The following VPS13B variants were observed in gnomAD, a reference collection of about 807,000 sequenced individuals.
The protein encoded by VPS13B is intermembrane lipid transfer protein VPS13B.
VPS13B carries 285 observed loss-of-function variants against 426.4 expected under a neutral mutation model. The observed-to-expected ratio is 0.67, with a 90% CI of 0.61 to 0.74. VPS13B has a LOEUF of 0.74. Among genes scored for constraint, VPS13B ranks in the 30% least tolerant of loss-of-function variants. The pLI is 0.00. For missense variants in VPS13B, 4,537 were observed against 4,782.6 expected (o/e 0.95, Z 1.51); for synonymous variants, 1,676 against 1,676.4 (o/e 1.00, Z 0.01).
intron 41 of VPS13B, among the ~76,000 whole-genome samples, chr8:99,778,318 G>C (rs951500931): frequency 6.6e-6 from 1 of 151,364 alleles, no homozygotes; most frequent in Non-Finnish European, 1.5e-5. Flanking sequence ...AACTCTCTTT[G>C]AGTCATGTTT....
chr8:99,301,689 A>G (rs1306360601), intron 19 of VPS13B, among the ~76,000 whole-genome samples: 1 of 152,248 alleles, frequency 6.6e-6, no homozygotes, highest in Non-Finnish European at 1.5e-5. Flanking sequence ...TATCAAAGGT[A>G]TTTATGTAAG....
chr8:99,172,091 G>A (rs969670470), intron 16 of VPS13B, among the ~76,000 whole-genome samples: 3 of 152,088 alleles, frequency 2.0e-5, no homozygotes, highest in African/African-American at 7.2e-5. Context: ...ATATCTAAAT[G>A]TTTTAATATG....
intron 13 of VPS13B, among the ~76,000 whole-genome samples, chr8:99,146,951 T>C (rs1810764498): frequency 6.6e-6 from 1 of 152,152 alleles, no homozygotes; most frequent in African/African-American, 2.4e-5. Flanking sequence ...CCAGGGAAAC[T>C]GTTTTATGAG....
At chr8:99,371,625 G>A (rs965608555) in intron 19 of VPS13B, among the ~76,000 whole-genome samples, 16 of 152,172 alleles carry the variant, frequency 1.1e-4, no homozygotes, top group African/African-American at 2.7e-4. Context: ...CAGTGGTAGC[G>A]TAATGGGAAT....
intron 3 of VPS13B, among the ~76,000 whole-genome samples, chr8:99,079,354 C>T (rs1444159430): frequency 6.6e-6 from 1 of 151,972 alleles, no homozygotes; most frequent in Non-Finnish European, 1.5e-5. Context: ...CCAGATGACA[C>T]CTGTGGCTGT....
At chr8:99,833,185 G>A (rs932058977) in intron 52 of VPS13B, among the ~76,000 whole-genome samples, 7 of 152,260 alleles carry the variant, frequency 4.6e-5, no homozygotes, top group Admixed American at 6.5e-5. Context: ...GTTCCTGCAC[G>A]CAAGTTGCTC....
intron 19 of VPS13B, among the ~76,000 whole-genome samples, chr8:99,360,179 T>TTTCTTTC (rs1812456563): frequency 2.4e-5 from 1 of 40,986 alleles, no homozygotes; most frequent in African/African-American, 1.2e-4. Flanking sequence ...TCTTTCTTTC[T>TTTCTTTC]TTCTTTCTTT....
Position 99,778,997 on chromosome 8 carries a change from A to C in VPS13B, c.7745A>C (p.His2582Pro). The change falls in exon 42 of 62, where the codon CAT becomes CCT. Residue 2582 changes from histidine to proline, a missense_variant. By Grantham distance (77) the His-to-Pro change is moderately conservative (BLOSUM62 -2). Coordinates refer to ENST00000357162, the MANE Select transcript of VPS13B (RefSeq NM_152564.5). Reference protein sequence around the residue: ...VFVNLGQHVVHSLNTAIQAWQ... With the variant: ...VFVNLGQHVVPSLNTAIQAWQ... ...GTAAACCTTGGACAGCATGTAGTCC[A>C]TTCACTAAACACTGCAATACAAGCT... 1 of 1,613,790 alleles carries C rather than the reference A, an allele frequency of 6.2e-7. No homozygotes were observed. Among genetic ancestry groups the C allele is most frequent in the East Asian group, 2.2e-5 (1 of 44,852 alleles).
intron 25 of VPS13B, 44 bp from the exon 26 acceptor site, chr8:99,501,643 T>C (rs200998158): frequency 1.9e-6 from 3 of 1,579,064 alleles, no homozygotes; most frequent in Non-Finnish European, 2.6e-6. Flanking sequence ...TCTGTTATTT[T>C]TGTTTATGTT....
chr8:99,241,726 A>G (rs762389082), intron 17 of VPS13B, among the ~76,000 whole-genome samples: 10 of 152,190 alleles, frequency 6.6e-5, no homozygotes, highest in Non-Finnish European at 1.0e-4. Context: ...GTTTCTTTTA[A>G]TATGTCTTCT....
At chr8:99,737,742 C>T (rs1002795512) in intron 39 of VPS13B, among the ~76,000 whole-genome samples, 1 of 152,126 alleles carries the variant, frequency 6.6e-6, no homozygotes, top group Non-Finnish European at 1.5e-5. Context: ...TTTTTCACTG[C>T]TTTATCAGCC....
At chr8:99,870,666 G>A in intron 59 of VPS13B, 119 bp from the exon 60 acceptor site, 2 of 869,240 alleles carry the variant, frequency 2.3e-6, no homozygotes, top group Admixed American at 3.8e-5. Context: ...TTCCAAAGAT[G>A]TGACATCATT....
chr8:99,590,137 A>G (rs1417342533), intron 33 of VPS13B, among the ~76,000 whole-genome samples: 1 of 152,144 alleles, frequency 6.6e-6, no homozygotes, highest in Non-Finnish European at 1.5e-5. Flanking sequence ...AGGTGTTTAT[A>G]GTATGCTGTC....
chr8:99,865,129 GAC>G (rs1309947353), intron 58 of VPS13B, among the ~76,000 whole-genome samples: 2 of 152,188 alleles, frequency 1.3e-5, no homozygotes, highest in Non-Finnish European at 2.9e-5. Context: ...TGAGCTCCAT[GAC>G]AGTTTTCCAA....
chr8:99,548,562 A>G (rs938628244), intron 30 of VPS13B, among the ~76,000 whole-genome samples: 2 of 152,046 alleles, frequency 1.3e-5, no homozygotes, highest in African/African-American at 4.8e-5. Context: ...AAAAGCTAGC[A>G]TATGGTATTT....
chr8:99,755,863 A>G (rs1810615022), intron 39 of VPS13B, among the ~76,000 whole-genome samples: 2 of 151,930 alleles, frequency 1.3e-5, no homozygotes, highest in African/African-American at 4.8e-5. Context: ...TTACAATAAT[A>G]TAGTTAATAA....
chr8:99,636,042 G>A (rs972106830), intron 33 of VPS13B, among the ~76,000 whole-genome samples: 5 of 151,898 alleles, frequency 3.3e-5, no homozygotes, highest in Non-Finnish European at 7.4e-5. Flanking sequence ...GTGAAAGGAT[G>A]GGAAAATGCG....
chr8:99,120,155 A>G (rs754317126), intron 7 of VPS13B: 19 of 152,232 alleles, frequency 1.2e-4, no homozygotes, highest in Non-Finnish European at 2.6e-4. Flanking sequence ...GGCCTCCCAA[A>G]GTGCTGGGAT....
At chr8:99,809,682 A>G (rs1813598969) in intron 44 of VPS13B, 152 bp downstream of exon 44, 5 of 939,886 alleles carry the variant, frequency 5.3e-6, no homozygotes, top group South Asian at 3.2e-5. Flanking sequence ...ATGCTTATCT[A>G]TGATCCTGAC....
Sources: allele counts gnomAD v4.1 joint callset (sites outside exome capture counted in the v4.1 genomes callset), GRCh38; gene constraint gnomAD v4.1.1; transcripts MANE v1.5; gene names NCBI Gene and HGNC (gene_info 2026-07-23, HGNC 2026-07-21).